The following DCHS2 variants were observed in gnomAD, a reference collection of about 807,000 sequenced individuals.
DCHS2 encodes the protein protocadherin-23.
DCHS2 carries 142 observed loss-of-function variants against 182.4 expected under a neutral mutation model. The ratio of observed to expected loss-of-function variants is 0.78; its 90% CI spans 0.68 to 0.89. The LOEUF (loss-of-function observed/expected upper bound fraction) is 0.89, where lower values mean the gene tolerates loss of function less well. Ranked by LOEUF, DCHS2 falls within the 40% of genes least tolerant of loss-of-function variation. DCHS2 has a pLI of 0.00. For missense variants in DCHS2, 4,319 were observed against 4,198.6 expected (o/e 1.03, Z -0.79); for synonymous variants, 1,740 against 1,663.3 (o/e 1.05, Z -1.12).
intron 1 of DCHS2, among the ~76,000 whole-genome samples, chr4:154,414,487 C>CTTTTTTTT (rs375818839): frequency 5.4e-5 from 4 of 73,754 alleles, no homozygotes; most frequent in African/African-American, 8.0e-5. Context: ...ATACAGCTTT[C>CTTTTTTTT]TTTTTTTTTT....
At chr4:154,453,666 C>G (rs139351344) in intron 1 of DCHS2, among the ~76,000 whole-genome samples, 1 of 151,994 alleles carries the variant, frequency 6.6e-6, no homozygotes, top group African/African-American at 2.4e-5. Context: ...TGCCCAACCT[C>G]CTTCCTTCCT....
intron 19 of DCHS2, 95 bp downstream of exon 19, chr4:154,239,075 G>C (rs1027408922): frequency 1.4e-6 from 2 of 1,478,088 alleles, no homozygotes; most frequent in East Asian, 4.7e-5. Flanking sequence ...GTGGGGAGGT[G>C]GGGAACTTTT....
At chr4:154,416,467 G>A (rs949537648) in intron 1 of DCHS2, among the ~76,000 whole-genome samples, 2 of 152,138 alleles carry the variant, frequency 1.3e-5, no homozygotes, top group African/African-American at 4.8e-5. Context: ...CGAGGAATAC[G>A]TCTTCCTTCT....
chr4:154,463,529 C>T (rs1002440726), intron 1 of DCHS2, among the ~76,000 whole-genome samples: 4 of 152,172 alleles, frequency 2.6e-5, no homozygotes, highest in East Asian at 1.9e-4. Flanking sequence ...AACTCTTTAA[C>T]GAAGCCTCTT....
intron 13 of DCHS2, among the ~76,000 whole-genome samples, chr4:154,276,157 A>G (rs1232381099): frequency 1.3e-5 from 2 of 152,200 alleles, no homozygotes; most frequent in African/African-American, 4.8e-5. Context: ...CTTACTATTC[A>G]TTTCACATTA....
At chr4:154,309,415 G>A (rs1028457275) in intron 10 of DCHS2, among the ~76,000 whole-genome samples, 2 of 152,176 alleles carry the variant, frequency 1.3e-5, no homozygotes, top group African/African-American at 4.8e-5. Context: ...ATGCTATTCA[G>A]TCTGTTTTGC....
chr4:154,234,510 A>G lies in DCHS2; in HGVS notation c.*26T>C. 1 of 1,573,948 alleles carries G rather than the reference A, an allele frequency of 6.4e-7. No individual in the cohort carries two copies. Among genetic ancestry groups the G allele is most frequent in the Non-Finnish European group, 8.6e-7 (1 of 1,158,848 alleles). On this transcript the variant is annotated 3_prime_UTR_variant, in exon 20 of 20. Transcript: ENST00000357232. The stretch of plus-strand genomic sequence containing the variant: ...GTTCATTCATTCATGACCAATGGTG[A>G]GCAGGTACTTGGCATCCCAGTGGTT...
At chr4:154,383,917 T>C (rs1292798558) in intron 1 of DCHS2, among the ~76,000 whole-genome samples, 3 of 152,176 alleles carry the variant, frequency 2.0e-5, no homozygotes, top group Non-Finnish European at 2.9e-5. Flanking sequence ...TAAGATGAAA[T>C]TCAAAATGAA....
At chr4:154,385,542 C>A (rs1228774950) in intron 1 of DCHS2, among the ~76,000 whole-genome samples, 1 of 152,172 alleles carries the variant, frequency 6.6e-6, no homozygotes, top group Non-Finnish European at 1.5e-5. Flanking sequence ...GGCTGGAGTG[C>A]AGTAGCACAA....
chr4:154,410,273 G>GA (rs369846272), intron 1 of DCHS2, among the ~76,000 whole-genome samples: 25 of 151,230 alleles, frequency 1.7e-4, no homozygotes, highest in African/African-American at 5.8e-4. Context: ...ATAAAATCAA[G>GA]AAAAAAATTG....
At chr4:154,417,054 C>T (rs1453919321) in intron 1 of DCHS2, among the ~76,000 whole-genome samples, 3 of 152,100 alleles carry the variant, frequency 2.0e-5, no homozygotes, top group Non-Finnish European at 4.4e-5. Flanking sequence ...CAACTACAAC[C>T]ACAGGATCGC....
chr4:154,321,857 A>G (rs1011484554), intron 8 of DCHS2, among the ~76,000 whole-genome samples: 1 of 152,052 alleles, frequency 6.6e-6, no homozygotes, highest in Non-Finnish European at 1.5e-5. Flanking sequence ...TACTATGGAG[A>G]CTTCTCACAA....
intron 1 of DCHS2, among the ~76,000 whole-genome samples, chr4:154,413,117 C>T (rs887227911): frequency 6.6e-6 from 1 of 152,156 alleles, no homozygotes; most frequent in Non-Finnish European, 1.5e-5. Context: ...TAGAAACATC[C>T]AACCACTGGA....
intron 13 of DCHS2, chr4:154,284,347 A>G (rs1451454671): frequency 6.6e-6 from 1 of 152,238 alleles, no homozygotes; most frequent in African/African-American, 2.4e-5. Flanking sequence ...AGATGGCAAA[A>G]TAGAAGTCTC....
intron 1 of DCHS2, among the ~76,000 whole-genome samples, chr4:154,444,707 A>C (rs556294705): frequency 1.3e-5 from 2 of 152,120 alleles, no homozygotes; most frequent in Non-Finnish European, 2.9e-5. Flanking sequence ...AGATCATGTC[A>C]CTTTGCTGGT....
At position 154,235,223 on chromosome 4, in the gene DCHS2, G is replaced by A. The variant is rs1484683425; in HGVS notation, c.9429C>T (p.Ser3143=). Residue 3143 remains serine, a synonymous_variant, in exon 20 of 20, where the codon TCC becomes TCT. Transcript: ENST00000357232. The part of the protein sequence containing the change: ...SGIPRDSDQL[S]CLSGETDVMV... ...TCACATCAGTTTCCCCAGATAGGCA[G>A]GAGAGCTGGTCTGAGTCCCTCGGGA... The A allele has an allele frequency of 1.2e-6, 2 of 1,614,060 alleles. No individual in the cohort carries two copies. The highest frequency in any genetic ancestry group is 3.3e-5 in the Admixed American group (2 of 60,012).
At position 154,333,635 on chromosome 4, in the gene DCHS2, G is replaced by T. The variant is rs566416324; in HGVS notation, c.2714-141C>A. The T allele has an allele frequency of 9.8e-6, 8 of 813,618 alleles. 1 individual carries two copies. The highest frequency in any genetic ancestry group is 5.6e-4 in the Middle Eastern group (2 of 3,572). The allele number at this position is 813,618 out of a possible 1,614,324, so 50.4% of individuals were successfully genotyped here. Reference sequence around the variant, plus strand: ...GGATCACATATACTATGATGGTTCCGTAAGATTCTGACACCGTATTTTATT... The same window carrying T: ...GGATCACATATACTATGATGGTTCCTTAAGATTCTGACACCGTATTTTATT... On this transcript the variant is annotated intron_variant, in intron 4 of 19. Coordinates refer to ENST00000357232, the MANE Select transcript of DCHS2 (RefSeq NM_001358235.2).
intron 1 of DCHS2, among the ~76,000 whole-genome samples, chr4:154,445,132 A>G (rs893134265): frequency 6.6e-6 from 1 of 152,188 alleles, no homozygotes; most frequent in African/African-American, 2.4e-5. Context: ...ACTATGCACC[A>G]TGAGTTGTTA....
chr4:154,257,184 G>C (rs1578867741), intron 15 of DCHS2, among the ~76,000 whole-genome samples: 1 of 152,212 alleles, frequency 6.6e-6, no homozygotes, highest in East Asian at 1.9e-4. Flanking sequence ...GGAGGCGGAG[G>C]TTGCAGTGAG....
Sources: allele counts gnomAD v4.1 joint callset (sites outside exome capture counted in the v4.1 genomes callset), GRCh38; gene constraint gnomAD v4.1.1; transcripts MANE v1.5; gene names NCBI Gene and HGNC (gene_info 2026-07-23, HGNC 2026-07-21).